Variants in NFATC3 observed in about 807,000 individuals in gnomAD.
NFATC3 encodes nuclear factor of activated T cells 3, also known as nuclear factor of activated T-cells, cytoplasmic 3.
In NFATC3, 46 loss-of-function variants were observed where a neutral mutation model predicts 98.6. That is an observed-to-expected ratio of 0.47 (90% CI 0.37 to 0.60). NFATC3 has a LOEUF of 0.60. NFATC3 is among the 20% of genes least tolerant of loss of function. The pLI, the probability that NFATC3 is intolerant of heterozygous loss-of-function variation, is 0.00. For missense variants in NFATC3, 1,256 were observed against 1,295.5 expected, an observed-to-expected ratio of 0.97 and a Z score of 0.47; for synonymous variants, 512 against 472.2, an observed-to-expected ratio of 1.08 and a Z score of -1.09.
intron 3 of NFATC3, among the ~76,000 whole-genome samples, chr16:68,128,195 C>G (rs1186262344): frequency 1.3e-5 from 2 of 152,022 alleles, no homozygotes; most frequent in African/African-American, 4.8e-5. Flanking sequence ...ACTAATTACA[C>G]TGAAGTGATT....
chr16:68,125,632 TA>T (rs968112671), intron 2 of NFATC3, among the ~76,000 whole-genome samples: 1 of 152,068 alleles, frequency 6.6e-6, no homozygotes, highest in Non-Finnish European at 1.5e-5. Context: ...CATCCAGAGA[TA>T]TGTACCAGGG....
chr16:68,098,145 A>G (rs1373035473), intron 1 of NFATC3, among the ~76,000 whole-genome samples: 1 of 152,036 alleles, frequency 6.6e-6, no homozygotes, highest in African/African-American at 2.4e-5. Flanking sequence ...TTTGGCTGTT[A>G]CAAATAAAGC....
intron 5 of NFATC3, among the ~76,000 whole-genome samples, chr16:68,173,903 C>T (rs1385792399): frequency 6.6e-6 from 1 of 152,104 alleles, no homozygotes; most frequent in Admixed American, 6.6e-5. Flanking sequence ...AATGCCAGCA[C>T]TTTGGGAGGC....
At chr16:68,158,796 G>A (rs1294407532) in intron 4 of NFATC3, among the ~76,000 whole-genome samples, 3 of 152,140 alleles carry the variant, frequency 2.0e-5, no homozygotes, top group South Asian at 2.1e-4. Context: ...GTGGAGGAAG[G>A]GTAAAAGGGA....
intron 3 of NFATC3, among the ~76,000 whole-genome samples, chr16:68,149,671 C>T (rs1314430565): frequency 3.3e-5 from 5 of 152,150 alleles, no homozygotes; most frequent in Admixed American, 3.3e-4. Context: ...AAAAGGGTTA[C>T]AAATGGTTCC....
chr16:68,085,539 C>T lies in NFATC3; in HGVS notation c.-143C>T, dbSNP rs1012382371. The T allele has an allele frequency of 3.6e-5, 24 of 669,548 alleles. No individual in the cohort carries two copies. Among genetic ancestry groups the T allele is most frequent in the Non-Finnish European group, 4.8e-5 (21 of 436,208 alleles). The allele number at this position is 669,548 out of a possible 1,614,324, so 41.5% of individuals were successfully genotyped here. On this transcript the variant is annotated 5_prime_UTR_variant, in exon 1 of 10. Coordinates refer to ENST00000346183, the MANE Select transcript of NFATC3 (RefSeq NM_173165.3). ...GGAACGGAACGCTCGGCGTCGCGGG[C>T]CCCGCCCGGAAAGTTTGCCGTGGAG...
chr16:68,085,908 G>C (rs1801235241), intron 1 of NFATC3, 124 bp downstream of exon 1: 1 of 672,600 alleles, frequency 1.5e-6, no homozygotes, highest in Non-Finnish European at 2.3e-6. Flanking sequence ...GTGCGCGCGC[G>C]TGTGTGTGGT....
rs1009121380 is a variant in NFATC3, at chr16:68,122,443, A to G, written c.560A>G (p.His187Arg). ...SDASSCESLSHIYDDVDSELN... is the reference protein window; with the variant it reads ...SDASSCESLSRIYDDVDSELN... ...GCATCTTCTTGTGAATCGCTTTCACATATTTATGATGATGTGGACTCAGAG... is the reference window on the plus strand; with the variant it reads ...GCATCTTCTTGTGAATCGCTTTCACGTATTTATGATGATGTGGACTCAGAG... Residue 187 changes from histidine (H) to arginine (R), a missense_variant, in exon 2 of 10, where the codon CAT becomes CGT. This residue lies in a region of NFATC3 where 464 missense variants were observed against 465.7 expected (regional missense o/e 1.00). Coordinates refer to ENST00000346183, the MANE Select transcript of NFATC3 (RefSeq NM_173165.3). 1.9e-6 allele frequency: 3 copies of G among 1,613,990 alleles called. No individual in the cohort carries two copies. Among genetic ancestry groups the G allele is most frequent in the Admixed American group, 1.7e-5 (1 of 59,994 alleles).
chr16:68,192,261 G>GTGTGTA (rs1555522070), intron 9 of NFATC3: 1 of 101,404 alleles, frequency 9.9e-6, no homozygotes, highest in Non-Finnish European at 1.9e-5. Context: ...ATATGTATGT[G>GTGTGTA]TATATATATA....
chr16:68,135,708 A>T (rs1232524532), intron 3 of NFATC3, among the ~76,000 whole-genome samples: 2 of 152,010 alleles, frequency 1.3e-5, no homozygotes, highest in South Asian at 2.1e-4. Context: ...AATTTTCTGA[A>T]TTTTTTTAGA....
At chr16:68,170,981 G>A (rs1953320325) in intron 5 of NFATC3, among the ~76,000 whole-genome samples, 1 of 151,824 alleles carries the variant, frequency 6.6e-6, no homozygotes, top group African/African-American at 2.4e-5. Context: ...TAGTTTTTTG[G>A]CATGTTTATG....
chr16:68,205,403 C>G (rs2041104622), intron 9 of NFATC3, among the ~76,000 whole-genome samples: 1 of 152,184 alleles, frequency 6.6e-6, no homozygotes. Flanking sequence ...GTGCCTGCCA[C>G]CACATCCGGC....
In NFATC3 at chr16:68,098,300, ATT is replaced by A. The variant is rs200355791; in HGVS notation, c.103+12534_103+12535del. 4.1e-3 allele frequency among the ~76,000 whole-genome samples: 390 copies of A among 94,312 alleles called. 3 individuals are homozygous for A. The highest frequency in any genetic ancestry group is 0.017 in the African/African-American group (374 of 22,028). The allele number at this position is 94,312 out of a possible 152,430, so 61.9% of individuals were successfully genotyped here. On this transcript the variant is annotated intron_variant, in intron 1 of 9. Transcript: ENST00000346183. ...TATTATTATTATTATTATTATTATT[ATT>A]TTTTTTTTTTTTTTTTTAGATGGAG... is the stretch of plus-strand genomic sequence containing the variant.
At chr16:68,098,294 A>T (rs866523614) in intron 1 of NFATC3, among the ~76,000 whole-genome samples, 1,177 of 104,196 alleles carry the variant, frequency 0.011, 14 homozygotes, top group Middle Eastern at 0.019. Context: ...TATTATTATT[A>T]TTATTATTTT....
At chr16:68,210,903 T>G (rs2041359289) in intron 9 of NFATC3, among the ~76,000 whole-genome samples, 1 of 152,018 alleles carries the variant, frequency 6.6e-6, no homozygotes, top group African/African-American at 2.4e-5. Context: ...TGCTTCAGCC[T>G]CCCGAGTAGC....
intron 4 of NFATC3, among the ~76,000 whole-genome samples, chr16:68,158,326 T>A (rs2038716573): frequency 6.6e-6 from 1 of 152,154 alleles, no homozygotes; most frequent in Non-Finnish European, 1.5e-5. Flanking sequence ...ATCTGGACTT[T>A]CATCAAATGG....
At chr16:68,118,928 C>T (rs1279083584) in intron 1 of NFATC3, among the ~76,000 whole-genome samples, 8 of 152,102 alleles carry the variant, frequency 5.3e-5, no homozygotes, top group Admixed American at 2.0e-4. Flanking sequence ...AGTGCAATGG[C>T]GCGATCTTGG....
At chr16:68,196,169 G>A (rs868775732) in intron 9 of NFATC3, among the ~76,000 whole-genome samples, 1 of 151,980 alleles carries the variant, frequency 6.6e-6, no homozygotes, top group African/African-American at 2.4e-5. Context: ...ACCCAGGCTG[G>A]AGTGCAGTGG....
chr16:68,175,925 C>T (rs917467401), intron 6 of NFATC3, among the ~76,000 whole-genome samples: 1 of 152,060 alleles, frequency 6.6e-6, no homozygotes, highest in Admixed American at 6.6e-5. Context: ...ATACATTTAC[C>T]TTTGAAAGCC....
Sources: gnomAD v4.1 joint callset for allele counts (sites outside exome capture counted in the v4.1 genomes callset) on GRCh38, gnomAD v4.1.1 for gene constraint, gnomAD v4.1.1 regional missense constraint, MANE v1.5 for transcripts, NCBI Gene and HGNC (gene_info 2026-07-23, HGNC 2026-07-21) for gene names.